Variants in PCDHGA2 observed in about 807,000 individuals in gnomAD.
PCDHGA2 encodes the protein protocadherin gamma subfamily A, 2.
Under a neutral mutation model 59.2 loss-of-function variants are expected in PCDHGA2, and 40 were observed. The observed-to-expected ratio is 0.68, with a 90% CI of 0.52 to 0.88. PCDHGA2 has a LOEUF of 0.88. PCDHGA2 is among the 40% of genes least tolerant of loss of function. PCDHGA2 has a pLI of 0.00. For missense variants in PCDHGA2, 1,226 were observed against 1,204.0 expected (o/e 1.02, Z -0.27); for synonymous variants, 560 against 526.0 (o/e 1.06, Z -0.89).
At chr5:141,383,069 G>C (rs370612007) in intron 1 of PCDHGA2, 5 of 1,613,768 alleles carry the variant, frequency 3.1e-6, no homozygotes, top group Non-Finnish European at 3.4e-6. Flanking sequence ...CTGGAGCCCC[G>C]GGAGCTGGCG....
In PCDHGA2 at chr5:141,393,675, C is replaced by T. The variant is rs755191809; in HGVS notation, c.2424+52280C>T. The stretch of plus-strand genomic sequence containing the variant: ...CAAATTCCGGAAAATTAATGAAAAA[C>T]AAACTCCGTTATTCCAGCTTAATGA... On this transcript the variant is annotated intron_variant, in intron 1 of 3. Transcript: ENST00000394576. 4 of 1,613,756 alleles carry T rather than the reference C, an allele frequency of 2.5e-6. No individual in the cohort carries two copies. The South Asian group carries it at 3.3e-5, about 13-fold the overall frequency.
rs1264130543 is a variant in PCDHGA2 at position 141,485,467 on chromosome 5, C to T, written c.2425-9340C>T. 2 of 1,614,112 alleles carry T rather than the reference C, an allele frequency of 1.2e-6. No homozygotes were observed. The highest frequency in any genetic ancestry group is 1.7e-6 in the Non-Finnish European group (2 of 1,180,024). On this transcript the variant is annotated intron_variant, in intron 1 of 3. Transcript: ENST00000394576. The surrounding 1 kb of genome is among the most constrained non-coding windows in gnomAD (Gnocchi z 5.7). ...TCGACCGAGAGGCACTGTGTGGGCT[C>T]AGTGCCAGCTGCATCGTGCCCCTGG... is the stretch of plus-strand genomic sequence containing the variant.
intron 1 of PCDHGA2, chr5:141,429,251 A>C (rs2097199889): frequency 6.6e-6 from 1 of 151,884 alleles, no homozygotes; most frequent in Non-Finnish European, 1.5e-5. Context: ...GAGATATTTT[A>C]ATTGAGGAAT....
intron 1 of PCDHGA2, chr5:141,388,961 G>C: frequency 6.2e-7 from 1 of 1,614,042 alleles, no homozygotes; most frequent in Non-Finnish European, 8.5e-7. Flanking sequence ...AGGACGCCGA[G>C]CTGGGAACAC....
intron 1 of PCDHGA2, among the ~76,000 whole-genome samples, chr5:141,481,293 TC>T (rs2099535148): frequency 6.6e-6 from 1 of 152,174 alleles, no homozygotes; most frequent in South Asian, 2.1e-4. Context: ...ATTTCAGTCA[TC>T]TAAGGGAAAA....
Position 141,370,390 on chromosome 5 carries a change from G to A in PCDHGA2, c.2424+28995G>A, listed in dbSNP as rs765930146. 5.2e-6 allele frequency: 8 copies of A among 1,543,776 alleles called. No homozygotes were observed. In the African/African-American group the frequency reaches 9.7e-5, roughly 19 times the overall value. The stretch of plus-strand genomic sequence containing the variant: ...ATTTAGAAAGGCAAAGGCGCAGAGA[G>A]CGGGATGGGAAATAGCTCCGGATGG... On this transcript the variant is annotated intron_variant, in intron 1 of 3. Transcript: ENST00000394576.
intron 1 of PCDHGA2, chr5:141,351,932 G>A: frequency 2.5e-6 from 4 of 1,613,278 alleles, no homozygotes; most frequent in Non-Finnish European, 3.4e-6. Context: ...TGCGCCACGG[G>A]TGCTGTACCC....
rs755457564 is a variant in PCDHGA2, at chr5:141,394,423, G to A, written c.2424+53028G>A. The stretch of plus-strand genomic sequence containing the variant: ...CAGCTACTGGTAACAGCCAGCGACA[G>A]CGGGGACCCGCCCCTCAGCAGCAAC... On this transcript the variant is annotated intron_variant, in intron 1 of 3. Coordinates refer to ENST00000394576, the MANE Select transcript of PCDHGA2 (RefSeq NM_018915.4). 2.5e-6 allele frequency: 4 copies of A among 1,614,248 alleles called. No homozygotes were observed. The Admixed American group carries it at 6.7e-5, about 27-fold the overall frequency.
Position 141,441,858 on chromosome 5 carries a change from C to T in PCDHGA2, c.2425-52949C>T, listed in dbSNP as rs535716058. The T allele has an allele frequency of 6.0e-5, 21 of 349,416 alleles. No homozygotes were observed. The East Asian group carries it at 7.4e-4, about 12-fold the overall frequency. The allele number at this position is 349,416 out of a possible 1,614,324, so 21.6% of individuals were successfully genotyped here. On this transcript the variant is annotated intron_variant, in intron 1 of 3. Coordinates refer to ENST00000394576, the MANE Select transcript of PCDHGA2 (RefSeq NM_018915.4). ...TCGCGCTCTTGGATATGGTGCTGCA[C>T]GCCGCGGAGCCTGGCTACCTGGTCA...
In PCDHGA2 at chr5:141,379,889, C is replaced by CTTTTTTTTT. The variant is rs70988800; in HGVS notation, c.2424+38516_2424+38524dup. ...CTTATTTTATGGTCTGTGAAAGCCT[C>CTTTTTTTTT]TTTTTTTTTTTTTTTTTTTTTTTTT... is the stretch of plus-strand genomic sequence containing the variant. On this transcript the variant is annotated intron_variant, in intron 1 of 3. Transcript: ENST00000394576. Among the ~76,000 whole-genome samples the CTTTTTTTTT allele has an allele frequency of 5.8e-3, 297 of 50,818 alleles. 50 individuals are homozygous for CTTTTTTTTT. Among genetic ancestry groups the CTTTTTTTTT allele is most frequent in the African/African-American group, 9.2e-3 (138 of 15,074 alleles). The allele number at this position is 50,818 out of a possible 152,430, so 33.3% of individuals were successfully genotyped here.
rs376773009 is a variant in PCDHGA2, at chr5:141,511,838, C to T, written c.*665C>T. 64 of 156,854 alleles carry T rather than the reference C, an allele frequency of 4.1e-4. No homozygotes were observed. Among genetic ancestry groups the T allele is most frequent in the Non-Finnish European group, 6.8e-4 (48 of 70,726 alleles). The allele number at this position is 156,854 out of a possible 1,614,324, so 9.7% of individuals were successfully genotyped here. A position where few individuals can be genotyped will look rare whatever the true frequency, so the allele number is the denominator to read the frequency against. ...TCTTCCCAACGCCCTGGGGACCAGTCTTCTGTTTTGTTTTTCATTGTTTGA... is the reference window on the plus strand; with the variant it reads ...TCTTCCCAACGCCCTGGGGACCAGTTTTCTGTTTTGTTTTTCATTGTTTGA... On this transcript the variant is annotated 3_prime_UTR_variant, in exon 4 of 4. Transcript: ENST00000394576.
chr5:141,365,803 G>C, intron 1 of PCDHGA2: 6 of 1,613,862 alleles, frequency 3.7e-6, no homozygotes, highest in South Asian at 1.1e-5. Flanking sequence ...CCTACTCCCT[G>C]GCTGAAGACA....
chr5:141,372,657 T>C, intron 1 of PCDHGA2: 3 of 1,614,048 alleles, frequency 1.9e-6, no homozygotes, highest in Non-Finnish European at 2.5e-6. Context: ...CTACAATCCG[T>C]GTGCTGCCTC....
At chr5:141,370,364 G>A (rs769081116) in intron 1 of PCDHGA2, 5 of 1,521,178 alleles carry the variant, frequency 3.3e-6, no homozygotes, top group Non-Finnish European at 3.5e-6. Context: ...CCTCTCCTCG[G>A]ATTTAGAAAG....
intron 1 of PCDHGA2, among the ~76,000 whole-genome samples, chr5:141,447,761 T>C (rs2098551051): frequency 1.3e-5 from 2 of 152,186 alleles, no homozygotes; most frequent in African/African-American, 4.8e-5. Context: ...TGACTGTATA[T>C]AAATTATACT....
At chr5:141,383,599 G>C in intron 1 of PCDHGA2, 1 of 1,613,742 alleles carries the variant, frequency 6.2e-7, no homozygotes. Context: ...GACAGTGGTG[G>C]ATGTGAATGA....
chr5:141,462,477 G>A (rs1430561580), intron 1 of PCDHGA2, among the ~76,000 whole-genome samples: 1 of 151,828 alleles, frequency 6.6e-6, no homozygotes, highest in East Asian at 1.9e-4. Flanking sequence ...TCTGCTTCTC[G>A]TGGTTGTTGT....
chr5:141,338,951 G>C lies in PCDHGA2; in HGVS notation c.-21G>C. The C allele has an allele frequency of 6.6e-7, 1 of 1,524,418 alleles. No homozygotes were observed. The allele number at this position is 1,524,418 out of a possible 1,614,324, so 94.4% of individuals were successfully genotyped here. Reference sequence around the variant, plus strand: ...ACTGGATGCTGGAAGTTGACTCGGAGAAAATTGCGACAGGAGGGAAATGGC... The same window carrying C: ...ACTGGATGCTGGAAGTTGACTCGGACAAAATTGCGACAGGAGGGAAATGGC... On this transcript the variant is annotated 5_prime_UTR_variant, in exon 1 of 4. Transcript: ENST00000394576.
rs763315667 is a variant in PCDHGA2 at position 141,371,544 on chromosome 5, T to C, written c.2424+30149T>C. Reference sequence around the variant, plus strand: ...TTCTGGATTTAATGGAGAAATCCTATGCCAACTAAAAGGAAACTTCCCCTT... The same window carrying C: ...TTCTGGATTTAATGGAGAAATCCTACGCCAACTAAAAGGAAACTTCCCCTT... On this transcript the variant is annotated intron_variant, in intron 1 of 3. Transcript: ENST00000394576. 3.1e-6 allele frequency: 5 copies of C among 1,613,692 alleles called. No homozygotes were observed. The Admixed American group carries it at 5.0e-5, about 16-fold the overall frequency.
Sources: gnomAD v4.1 joint callset for allele counts (sites outside exome capture counted in the v4.1 genomes callset) on GRCh38, gnomAD v4.1.1 for gene constraint, Gnocchi (gnomAD v3.1) non-coding constraint, MANE v1.5 for transcripts, NCBI Gene and HGNC (gene_info 2026-07-23, HGNC 2026-07-21) for gene names.